The following PRKCE variants were observed in gnomAD, a reference collection of about 807,000 sequenced individuals.
PRKCE encodes protein kinase C epsilon type.
Under a neutral mutation model 85.4 loss-of-function variants are expected in PRKCE, and 16 were observed. The ratio of observed to expected loss-of-function variants is 0.19; its 90% CI spans 0.13 to 0.28. The LOEUF is 0.28. Ranked by LOEUF, PRKCE falls within the 10% of genes least tolerant of loss-of-function variation. The pLI is 1.00. For missense variants in PRKCE, 573 were observed against 975.2 expected (o/e 0.59, Z 5.49); for synonymous variants, 388 against 371.5 (o/e 1.04, Z -0.51).
intron 14 of PRKCE, among the ~76,000 whole-genome samples, chr2:46,161,647 T>C (rs951836695): frequency 2.0e-5 from 3 of 151,436 alleles, no homozygotes; most frequent in Admixed American, 1.3e-4. Flanking sequence ...AGAGAGAGGG[T>C]CTGGGGTGTG....
At position 45,961,192 on chromosome 2, in the gene PRKCE, G is replaced by A. The variant is rs926788568; in HGVS notation, c.413-15237G>A. 2.6e-5 allele frequency among the ~76,000 whole-genome samples: 4 copies of A among 152,112 alleles called. No individual in the cohort carries two copies. In the East Asian group the frequency reaches 5.8e-4, roughly 22 times the overall value. The stretch of plus-strand genomic sequence containing the variant: ...TTCCTCTGCTTCTCTCCATAGGCAG[G>A]AGTGTGTAACACCAAGTACAGTAGT... On this transcript the variant is annotated intron_variant, in intron 2 of 14. Coordinates refer to ENST00000306156, the MANE Select transcript of PRKCE (RefSeq NM_005400.3).
At chr2:45,765,971 A>G (rs1684880916) in intron 1 of PRKCE, among the ~76,000 whole-genome samples, 1 of 152,208 alleles carries the variant, frequency 6.6e-6, no homozygotes, top group Admixed American at 6.5e-5. Context: ...TATTGCAATG[A>G]AGTTGCAAGT....
intron 1 of PRKCE, among the ~76,000 whole-genome samples, chr2:45,817,172 C>G (rs1369902504): frequency 6.6e-6 from 1 of 151,832 alleles, no homozygotes; most frequent in East Asian, 1.9e-4. Context: ...GCAGCCCTGC[C>G]TGCAACCCTA....
rs555423813 is a variant in PRKCE at position 45,881,022 on chromosome 2, G to A, written c.412+37959G>A. The stretch of plus-strand genomic sequence containing the variant: ...CAAAAAATTAGCTGGGCGTAGTGGC[G>A]GGCGCCTGTAGTCCCAGCTACTTGG... On this transcript the variant is annotated intron_variant, in intron 2 of 14. Coordinates refer to ENST00000306156, the MANE Select transcript of PRKCE (RefSeq NM_005400.3). Among the ~76,000 whole-genome samples, 18 of 151,326 alleles carry A rather than the reference G, an allele frequency of 1.2e-4. 2 individuals are homozygous for A. Among genetic ancestry groups the A allele is most frequent in the Admixed American group, 9.8e-4 (15 of 15,250 alleles).
chr2:45,844,033 G>C (rs1691577523), intron 2 of PRKCE, among the ~76,000 whole-genome samples: 1 of 152,132 alleles, frequency 6.6e-6, no homozygotes, highest in Non-Finnish European at 1.5e-5. Context: ...AGAATACTGG[G>C]GATCACAAGC....
chr2:46,107,765 G>T (rs926710115), intron 11 of PRKCE, among the ~76,000 whole-genome samples: 3 of 152,172 alleles, frequency 2.0e-5, no homozygotes. Context: ...TAGGTGGGTA[G>T]TGGTGTCTAA....
intron 8 of PRKCE, among the ~76,000 whole-genome samples, chr2:46,006,187 G>C (rs1041818150): frequency 3.9e-5 from 6 of 152,206 alleles, no homozygotes; most frequent in Non-Finnish European, 8.8e-5. Context: ...ATAAGACATA[G>C]TTTCTTTTTC....
Position 46,004,056 on chromosome 2 carries a change from C to G in PRKCE, c.967-486C>G, listed in dbSNP as rs1704949427. The G allele has an allele frequency of 5.0e-6, 1 of 201,528 alleles. No homozygotes were observed. The highest frequency in any genetic ancestry group is 1.0e-5 in the Non-Finnish European group (1 of 96,266). 12.5% of individuals were successfully genotyped at this position (201,528 alleles called of 1,614,324 possible). A position where few individuals can be genotyped will look rare whatever the true frequency, so the allele number is the denominator to read the frequency against. On this transcript the variant is annotated intron_variant, in intron 7 of 14. Transcript: ENST00000306156. This position sits in a 1 kb window ranked among gnomAD's most constrained non-coding sequence, Gnocchi z 4.1. ...CTTTGCAGTCTTTGTCCAGCTTTAGCCTGGTGATAACCACCTTGCTGGGGT... is the reference window on the plus strand; with the variant it reads ...CTTTGCAGTCTTTGTCCAGCTTTAGGCTGGTGATAACCACCTTGCTGGGGT...
At chr2:45,682,450 A>G (rs1322587779) in intron 1 of PRKCE, among the ~76,000 whole-genome samples, 1 of 151,922 alleles carries the variant, frequency 6.6e-6, no homozygotes, top group Non-Finnish European at 1.5e-5. Flanking sequence ...TTTTTGAGAC[A>G]GAATCTTGCT....
chr2:45,822,299 G>A (rs943633222), intron 1 of PRKCE, among the ~76,000 whole-genome samples: 6 of 152,226 alleles, frequency 3.9e-5, no homozygotes, highest in African/African-American at 1.2e-4. Flanking sequence ...AACAGCAGCC[G>A]ATTTACGGAG....
At chr2:45,699,947 G>T (rs1178812889) in intron 1 of PRKCE, among the ~76,000 whole-genome samples, 5 of 152,190 alleles carry the variant, frequency 3.3e-5, no homozygotes, top group Middle Eastern at 6.8e-3. Flanking sequence ...GGGTGCAGGG[G>T]GTAGCAGGTG....
chr2:45,849,874 T>A (rs536809726), intron 2 of PRKCE, among the ~76,000 whole-genome samples: 173 of 152,276 alleles, frequency 1.1e-3, no homozygotes, highest in African/African-American at 4.1e-3. Context: ...CTATTTTTGG[T>A]CCTGATGGAA....
chr2:45,713,159 C>A (rs1028317550), intron 1 of PRKCE, among the ~76,000 whole-genome samples: 3 of 152,098 alleles, frequency 2.0e-5, no homozygotes, highest in Non-Finnish European at 2.9e-5. Flanking sequence ...CACCTCGAGG[C>A]TCTTATAAAG....
rs147677693 is a variant in PRKCE at position 45,745,858 on chromosome 2, G to A, written c.348+93410G>A. Among the ~76,000 whole-genome samples the A allele has an allele frequency of 1.6e-3, 243 of 152,268 alleles. 1 individual carries two copies. The highest frequency in any genetic ancestry group is 7.8e-4 in the Non-Finnish European group (53 of 68,022). On this transcript the variant is annotated intron_variant, in intron 1 of 14. Coordinates refer to ENST00000306156, the MANE Select transcript of PRKCE (RefSeq NM_005400.3). ...TTCAGCATCGAATTTCTTTTCCACC[G>A]TAGTTGAATTCTTTCTAGCCCTGGG...
chr2:46,070,372 G>A (rs892777699), intron 10 of PRKCE, among the ~76,000 whole-genome samples: 12 of 152,210 alleles, frequency 7.9e-5, no homozygotes, highest in Non-Finnish European at 1.0e-4. Flanking sequence ...GGCTGGGCGC[G>A]GTGGCGCATG....
At chr2:45,869,848 CAGGTG>C (rs896210060) in intron 2 of PRKCE, among the ~76,000 whole-genome samples, 4 of 151,792 alleles carry the variant, frequency 2.6e-5, no homozygotes, top group Non-Finnish European at 5.9e-5. Context: ...GCTGGGACTA[CAGGTG>C]CACGCCACCA....
At chr2:45,689,519 T>C (rs1677563039) in intron 1 of PRKCE, among the ~76,000 whole-genome samples, 1 of 150,680 alleles carries the variant, frequency 6.6e-6, no homozygotes, top group South Asian at 2.1e-4. Flanking sequence ...TTTTTATATA[T>C]TTTATATATT....
chr2:45,732,894 A>C (rs1681702676), intron 1 of PRKCE, among the ~76,000 whole-genome samples: 1 of 152,222 alleles, frequency 6.6e-6, no homozygotes, highest in Admixed American at 6.5e-5. Context: ...GAGAGAAGTT[A>C]AATCGTTATA....
chr2:46,140,125 T>C (rs1464219935), intron 11 of PRKCE, among the ~76,000 whole-genome samples: 11 of 152,122 alleles, frequency 7.2e-5, no homozygotes. Context: ...ATATCAACTC[T>C]CCCTAAGTTA....
Sources: allele counts gnomAD v4.1 joint callset (sites outside exome capture counted in the v4.1 genomes callset), GRCh38; gene constraint gnomAD v4.1.1; non-coding constraint Gnocchi (gnomAD v3.1); transcripts MANE v1.5; gene names NCBI Gene and HGNC (gene_info 2026-07-23, HGNC 2026-07-21).